DAB1: variants seen among roughly 807,000 people sequenced by gnomAD.
The protein encoded by DAB1 is DAB adaptor protein 1.
Under a neutral mutation model 64.6 loss-of-function variants are expected in DAB1, and 15 were observed. That is an observed-to-expected ratio of 0.23 (90% CI 0.16 to 0.36). The LOEUF (loss-of-function observed/expected upper bound fraction) is 0.36. Among genes scored for constraint, DAB1 ranks in the 10% least tolerant of loss-of-function variants. The pLI, the probability that DAB1 is intolerant of heterozygous loss-of-function variation, is 1.00. For missense variants in DAB1, 596 were observed against 706.7 expected (o/e 0.84, Z 1.78); for synonymous variants, 235 against 251.9 (o/e 0.93, Z 0.64).
At chr1:57,841,912 C>T (rs1418926345) in intron 1 of DAB1, among the ~76,000 whole-genome samples, 1 of 152,196 alleles carries the variant, frequency 6.6e-6, no homozygotes, top group East Asian at 1.9e-4. Context: ...CTGCAGGCAG[C>T]TTGAATTTCT....
chr1:58,202,342 A>G (rs1326317634), intron 4 of DAB1, among the ~76,000 whole-genome samples: 1 of 152,224 alleles, frequency 6.6e-6, no homozygotes, highest in East Asian at 1.9e-4. Flanking sequence ...AGTAACCCTC[A>G]TGATGTAAGT....
chr1:57,257,885 C>CTCTTAAAAGTGT (rs1553161643), intron 2 of DAB1, among the ~76,000 whole-genome samples: 2 of 152,196 alleles, frequency 1.3e-5, no homozygotes, highest in Non-Finnish European at 2.9e-5. Flanking sequence ...CTCAGCCATC[C>CTCTTAAAAGTGT]TCTTAAAAGA....
At chr1:58,510,508 A>G (rs1398012524) in intron 2 of DAB1, among the ~76,000 whole-genome samples, 1 of 152,096 alleles carries the variant, frequency 6.6e-6, no homozygotes, top group Non-Finnish European at 1.5e-5. Context: ...AAAGCCCACA[A>G]CTAGCATCAC....
chr1:57,025,913 TG>T (rs1646769968), intron 10 of DAB1, 67 bp downstream of exon 10: 1 of 1,286,224 alleles, frequency 7.8e-7, no homozygotes, highest in African/African-American at 1.5e-5. Flanking sequence ...GCCCATATTC[TG>T]GCCACTGAGG....
intron 6 of DAB1, among the ~76,000 whole-genome samples, chr1:57,670,034 A>G (rs938594289): frequency 2.0e-5 from 3 of 152,184 alleles, no homozygotes; most frequent in African/African-American, 7.2e-5. Flanking sequence ...AGGGCCATGG[A>G]AAAGATAAAA....
At chr1:58,405,757 C>T (rs759120721) in intron 3 of DAB1, among the ~76,000 whole-genome samples, 17 of 152,174 alleles carry the variant, frequency 1.1e-4, no homozygotes, top group Admixed American at 2.0e-4. Flanking sequence ...TGAATGAGTG[C>T]GTGAGTGGAC....
At chr1:57,727,362 A>G (rs1647229858) in intron 6 of DAB1, among the ~76,000 whole-genome samples, 1 of 152,240 alleles carries the variant, frequency 6.6e-6, no homozygotes, top group African/African-American at 2.4e-5. Context: ...GTGGGCACCC[A>G]CAGGAATAGC....
chr1:57,454,967 A>G (rs1273864340), intron 7 of DAB1, among the ~76,000 whole-genome samples: 1 of 152,136 alleles, frequency 6.6e-6, no homozygotes, highest in Non-Finnish European at 1.5e-5. Flanking sequence ...AAGATACATG[A>G]AAAAAACAGT....
chr1:58,363,602 C>T lies in DAB1; in HGVS notation n.258-20199G>A, dbSNP rs536660546. Among the ~76,000 whole-genome samples the T allele has an allele frequency of 2.0e-5, 3 of 152,324 alleles. No individual in the cohort carries two copies. In the South Asian group the frequency reaches 6.2e-4, roughly 32 times the overall value. On this transcript the variant is annotated intron_variant and non_coding_transcript_variant, in intron 3 of 20. Transcript: ENST00000485760. ...GCCTTTTTTTCCCTTCCTTCTGCAG[C>T]CAATCACCAATTATTTGTCCGCTCC... is the stretch of plus-strand genomic sequence containing the variant.
chr1:58,200,404 C>A (rs7524008), intron 4 of DAB1, among the ~76,000 whole-genome samples: 111,576 of 151,980 alleles, frequency 0.73, 42,526 homozygotes, highest in Non-Finnish European at 0.85. Flanking sequence ...AAATCTAATA[C>A]ATTATTGCCT....
At position 57,358,521 on chromosome 1, in the gene DAB1, G is replaced by A. The variant is rs368290045; in HGVS notation, c.-137+65409C>T. Among the ~76,000 whole-genome samples, 8 of 152,004 alleles carry A rather than the reference G, an allele frequency of 5.3e-5. No individual in the cohort carries two copies. In the East Asian group the frequency reaches 1.4e-3, roughly 26 times the overall value. ...AATGAAAAGACATCCCATGTTTAAGGACTGGAAGAATAAATGTTGTTAAAA... is the reference window on the plus strand; with the variant it reads ...AATGAAAAGACATCCCATGTTTAAGAACTGGAAGAATAAATGTTGTTAAAA... On this transcript the variant is annotated intron_variant, in intron 1 of 14. Transcript: ENST00000371236.
chr1:57,194,769 G>C (rs1405985596), intron 2 of DAB1, among the ~76,000 whole-genome samples: 1 of 152,142 alleles, frequency 6.6e-6, no homozygotes, highest in Non-Finnish European at 1.5e-5. Flanking sequence ...GAGGCATGGA[G>C]AAGCACATTT....
chr1:57,333,067 G>C (rs532119419), intron 1 of DAB1, among the ~76,000 whole-genome samples: 52 of 152,276 alleles, frequency 3.4e-4, no homozygotes, highest in Middle Eastern at 6.8e-3. Context: ...ACTAGTAATG[G>C]ACTTGCTTCC....
intron 2 of DAB1, among the ~76,000 whole-genome samples, chr1:57,244,008 C>A (rs1668685570): frequency 6.6e-6 from 1 of 152,166 alleles, no homozygotes; most frequent in Non-Finnish European, 1.5e-5. Flanking sequence ...TTTCCTTTAT[C>A]TGTGTTATTT....
intron 2 of DAB1, among the ~76,000 whole-genome samples, chr1:57,237,737 G>A (rs1451873256): frequency 6.6e-6 from 1 of 152,128 alleles, no homozygotes; most frequent in African/African-American, 2.4e-5. Context: ...GGCTCAGAGA[G>A]ATTACTCAAA....
intron 7 of DAB1, among the ~76,000 whole-genome samples, chr1:57,524,420 C>A (rs1644566756): frequency 6.6e-6 from 1 of 152,162 alleles, no homozygotes; most frequent in Admixed American, 6.5e-5. Context: ...TGTGGAGAGA[C>A]CACCAAACAG....
intron 7 of DAB1, among the ~76,000 whole-genome samples, chr1:57,579,917 C>T (rs1645292242): frequency 6.6e-6 from 1 of 152,138 alleles, no homozygotes; most frequent in South Asian, 2.1e-4. Flanking sequence ...ACATAGCCTA[C>T]CATGCAGGGC....
chr1:58,337,206 C>A (rs1663138686), intron 4 of DAB1, among the ~76,000 whole-genome samples: 1 of 150,994 alleles, frequency 6.6e-6, no homozygotes, highest in Admixed American at 6.6e-5. Context: ...CACTTGAACC[C>A]AGGAGGCAGA....
chr1:57,152,119 T>C (rs965769409), intron 2 of DAB1, among the ~76,000 whole-genome samples: 1 of 152,182 alleles, frequency 6.6e-6, no homozygotes, highest in East Asian at 1.9e-4. Flanking sequence ...GGGTGTCTTT[T>C]CTAATCTTTA....
Sources: allele counts gnomAD v4.1 joint callset (sites outside exome capture counted in the v4.1 genomes callset), GRCh38; gene constraint gnomAD v4.1.1; transcripts MANE v1.5; gene names NCBI Gene and HGNC (gene_info 2026-07-23, HGNC 2026-07-21).